PSMD3: variants seen among roughly 807,000 people sequenced by gnomAD.
PSMD3 encodes the protein 26S proteasome non-ATPase regulatory subunit 3.
PSMD3 carries 5 observed loss-of-function variants against 62.8 expected under a neutral mutation model. That is an observed-to-expected ratio of 0.08 (90% CI 0.04 to 0.17). PSMD3 has a LOEUF of 0.17. PSMD3 is among the 10% of genes least tolerant of loss of function. The pLI is 1.00. For missense variants in PSMD3, 524 were observed against 713.6 expected, an observed-to-expected ratio of 0.73 and a Z score of 3.03; for synonymous variants, 265 against 283.9, an observed-to-expected ratio of 0.93 and a Z score of 0.67.
chr17:39,992,323 G>A (rs1018293425), intron 6 of PSMD3, among the ~76,000 whole-genome samples: 1 of 152,150 alleles, frequency 6.6e-6, no homozygotes. Flanking sequence ...GAGAGAGGGC[G>A]GGAGTGAAGG....
In PSMD3 at chr17:39,981,083, A is replaced by G. The variant is rs1232317214; in HGVS notation, c.113A>G (p.Lys38Arg). Residue 38 changes from lysine (K) to arginine (R), a missense_variant, in exon 1 of 12, where the codon AAA becomes AGA. By Grantham distance (26) the Lys-to-Arg change is conservative. Around this residue, in one of 4 missense-constraint regions of PSMD3, gnomAD observed 396 missense variants for 475.8 expected, o/e 0.83. Coordinates refer to ENST00000264639, the MANE Select transcript of PSMD3 (RefSeq NM_002809.4). The stretch of plus-strand genomic sequence containing the variant: ...CCGGCCCCCCAGGATGTGGAGATGA[A>G]AGAGGAGGCAGCGACGGGTGGCGGG... Reference protein sequence around the residue: ...PPPAPQDVEMKEEAATGGGST... With the variant: ...PPPAPQDVEMREEAATGGGST... 3 of 1,550,582 alleles carry G rather than the reference A, an allele frequency of 1.9e-6. No individual in the cohort carries two copies. The highest frequency in any genetic ancestry group is 2.6e-6 in the Non-Finnish European group (3 of 1,146,768).
chr17:39,984,491 G>A lies in PSMD3; in HGVS notation c.411+7G>A. The A allele has an allele frequency of 6.2e-7, 1 of 1,607,432 alleles. No individual in the cohort carries two copies. The highest frequency in any genetic ancestry group is 1.1e-5 in the South Asian group (1 of 90,792). On this transcript the variant is annotated splice_region_variant and intron_variant, in intron 2 of 11. Transcript: ENST00000264639. ...GCTCCCCTTCCTGGAAGAGGTGAGT[G>A]AGTCAGGCCAACTTAAAGGGTGCAG... is the stretch of plus-strand genomic sequence containing the variant.
Position 39,989,849 on chromosome 17 carries a change from A to G in PSMD3, c.797A>G (p.Gln266Arg), listed in dbSNP as rs1568137767. 6.2e-7 allele frequency: 1 copy of G among 1,614,220 alleles called. No homozygotes were observed. The highest frequency in any genetic ancestry group is 8.5e-7 in the Non-Finnish European group (1 of 1,180,040). Reference sequence around the variant, plus strand: ...TACCTACACTACAGCTTGTACGACCAGGCTGAGAAGCTGGTGTCCAAGTCT... The same window carrying G: ...TACCTACACTACAGCTTGTACGACCGGGCTGAGAAGCTGGTGTCCAAGTCT... ...RNYLHYSLYD[Q>R]AEKLVSKSVF... The change falls in exon 5 of 12, where the codon CAG becomes CGG. Residue 266 changes from glutamine to arginine, a missense_variant. Gln to Arg is a conservative substitution (Grantham distance 43). Coordinates refer to ENST00000264639, the MANE Select transcript of PSMD3 (RefSeq NM_002809.4).
rs1446157626 is a variant in PSMD3, at chr17:39,996,336, A to G, written c.1474A>G (p.Lys492Glu). 2 of 1,613,556 alleles carry G rather than the reference A, an allele frequency of 1.2e-6. No homozygotes were observed. Among genetic ancestry groups the G allele is most frequent in the Admixed American group, 3.3e-5 (2 of 59,958 alleles). Residue 492 changes from lysine (K) to glutamate (E), a missense_variant and splice_region_variant, in exon 10 of 12, where the codon AAG (lysine) becomes GAG (glutamate). Lys to Glu is a moderately conservative substitution (Grantham distance 56). Transcript: ENST00000264639. The surrounding 1 kb of genome is among the most constrained non-coding windows in gnomAD (Gnocchi z 5.1). Reference protein sequence around the residue: ...FCLDIHNMSVKAMRFPPKSYN... With the variant: ...FCLDIHNMSVEAMRFPPKSYN... The stretch of plus-strand genomic sequence containing the variant: ...CCTAGATATCCACAACATGTCTGTC[A>G]AGGTGAGAAGCCCGTGGCTGCAGAG...
chr17:39,996,487 A>G lies in PSMD3; in HGVS notation c.1476+149A>G. The G allele has an allele frequency of 8.7e-7, 1 of 1,150,960 alleles. No individual in the cohort carries two copies. Among genetic ancestry groups the G allele is most frequent in the Non-Finnish European group, 1.2e-6 (1 of 807,610 alleles). 71.3% of individuals were successfully genotyped at this position (1,150,960 alleles called of 1,614,324 possible). On this transcript the variant is annotated intron_variant, in intron 10 of 11. Coordinates refer to ENST00000264639, the MANE Select transcript of PSMD3 (RefSeq NM_002809.4). The surrounding 1 kb of genome is among the most constrained non-coding windows in gnomAD (Gnocchi z 5.1). ...CACTGAGCTGCAGCACAGGGGGCCC[A>G]GAATGGGGAGGGGACTTGGCCATAG...
Position 39,995,834 on chromosome 17 carries a change from C to T in PSMD3, c.1320+307C>T. 2.0e-6 allele frequency: 1 copy of T among 488,034 alleles called. No homozygotes were observed. Among genetic ancestry groups the T allele is most frequent in the Non-Finnish European group, 3.7e-6 (1 of 267,870 alleles). The allele number at this position is 488,034 out of a possible 1,614,324, so 30.2% of individuals were successfully genotyped here. On this transcript the variant is annotated intron_variant, in intron 9 of 11. Coordinates refer to ENST00000264639, the MANE Select transcript of PSMD3 (RefSeq NM_002809.4). The surrounding 1 kb of genome is among the most constrained non-coding windows in gnomAD (Gnocchi z 4.1). ...TTCTCTGACTTAGAAGATGGGCGTG[C>T]TGGGCCAGGCGCAGTGGCTCATGCC...
chr17:39,988,958 G>A lies in PSMD3; in HGVS notation c.686+139G>A, dbSNP rs546855024. On this transcript the variant is annotated intron_variant, in intron 4 of 11. Transcript: ENST00000264639. ...AGAGGGGCAGTGGTTCCCATGCCCTGCGCCACGTGAGGGGTGTGGGAGAGA... is the reference window on the plus strand; with the variant it reads ...AGAGGGGCAGTGGTTCCCATGCCCTACGCCACGTGAGGGGTGTGGGAGAGA... 6.0e-4 allele frequency: 702 copies of A among 1,170,970 alleles called. 2 individuals are homozygous for A. Among genetic ancestry groups the A allele is most frequent in the Admixed American group, 1.1e-3 (58 of 50,914 alleles). 72.5% of individuals were successfully genotyped at this position (1,170,970 alleles called of 1,614,324 possible). A position where few individuals can be genotyped will look rare whatever the true frequency, so the allele number is the denominator to read the frequency against.
rs533199752 is a variant in PSMD3 at position 39,996,427 on chromosome 17, T to C, written c.1476+89T>C. The C allele has an allele frequency of 8.0e-6, 12 of 1,502,404 alleles. No individual in the cohort carries two copies. The South Asian group carries it at 1.2e-4, about 15-fold the overall frequency. The allele number at this position is 1,502,404 out of a possible 1,614,324, so 93.1% of individuals were successfully genotyped here. A position where few individuals can be genotyped will look rare whatever the true frequency, so the allele number is the denominator to read the frequency against. ...GATTCCTCAGAGAAGACTGGCTTAATTTGTGGCCCACGTCCCAGCCAATCT... is the reference window on the plus strand; with the variant it reads ...GATTCCTCAGAGAAGACTGGCTTAACTTGTGGCCCACGTCCCAGCCAATCT... On this transcript the variant is annotated intron_variant, in intron 10 of 11. Coordinates refer to ENST00000264639, the MANE Select transcript of PSMD3 (RefSeq NM_002809.4). The surrounding 1 kb of genome is among the most constrained non-coding windows in gnomAD (Gnocchi z 5.1).
Position 39,989,821 on chromosome 17 carries a change from A to C in PSMD3, c.769A>C (p.Asn257His). 1 of 1,614,174 alleles carries C rather than the reference A, an allele frequency of 6.2e-7. No individual in the cohort carries two copies. The highest frequency in any genetic ancestry group is 1.1e-5 in the South Asian group (1 of 91,084). Residue 257 changes from asparagine (N) to histidine (H), a missense_variant, in exon 5 of 12, where the codon AAT becomes CAT. Transcript: ENST00000264639. Reference protein sequence around the residue: ...QATLLNLLLRNYLHYSLYDQA... With the variant: ...QATLLNLLLRHYLHYSLYDQA... Reference sequence around the variant, plus strand: ...CACCCTGTTGAACCTCCTGCTGCGGAATTACCTACACTACAGCTTGTACGA... The same window carrying C: ...CACCCTGTTGAACCTCCTGCTGCGGCATTACCTACACTACAGCTTGTACGA...
chr17:39,992,120 C>T (rs1411528879), intron 6 of PSMD3, among the ~76,000 whole-genome samples: 2 of 151,904 alleles, frequency 1.3e-5, no homozygotes. Flanking sequence ...GGTGCGTGAG[C>T]AAAATGTTAG....
At chr17:39,984,001 C>T (rs1044990030) in intron 1 of PSMD3, among the ~76,000 whole-genome samples, 2 of 151,998 alleles carry the variant, frequency 1.3e-5, no homozygotes, top group Non-Finnish European at 2.9e-5. Context: ...AGATCGAGAC[C>T]ATCCTGGCTA....
chr17:39,983,119 G>T (rs1980426749), intron 1 of PSMD3, among the ~76,000 whole-genome samples: 1 of 151,012 alleles, frequency 6.6e-6, no homozygotes, highest in Non-Finnish European at 1.5e-5. Context: ...TGCAACCTCT[G>T]CCTCCCAAGT....
chr17:39,997,602 T>A lies in PSMD3; in HGVS notation c.*21T>A. ...CTTGAGCTGGGGGGCTGGGGAGGGG[T>A]AGGGGGAATGGGGACAGGCTCTTTC... On this transcript the variant is annotated 3_prime_UTR_variant, in exon 12 of 12. Transcript: ENST00000264639. The A allele has an allele frequency of 1.3e-6, 2 of 1,594,368 alleles. No individual in the cohort carries two copies. The highest frequency in any genetic ancestry group is 1.4e-5 in the African/African-American group (1 of 73,814).
chr17:39,980,933 G>C lies in PSMD3; in HGVS notation c.-38G>C, dbSNP rs762880605. On this transcript the variant is annotated 5_prime_UTR_variant, in exon 1 of 12. Transcript: ENST00000264639. ...GGTGCGAGGGTTAACGCGAGGCCCC[G>C]GCCTCGGTCCCCGGACTAGGCCGTG... The C allele has an allele frequency of 1.4e-6, 2 of 1,463,556 alleles. No individual in the cohort carries two copies. The highest frequency in any genetic ancestry group is 9.0e-7 in the Non-Finnish European group (1 of 1,111,090). 90.7% of individuals were successfully genotyped at this position (1,463,556 alleles called of 1,614,324 possible).
intron 6 of PSMD3, chr17:39,993,077 T>G (rs1244230847): frequency 6.6e-6 from 1 of 152,154 alleles, no homozygotes; most frequent in Non-Finnish European, 1.5e-5. Flanking sequence ...TCATCACAAT[T>G]CTGGAGGCTC....
In PSMD3 at chr17:39,997,575, C is replaced by T; in HGVS notation, c.1599C>T (p.Phe533=). ...KEMAEDDDDS[F]P is the part of the protein sequence containing the mutation. The stretch of plus-strand genomic sequence containing the variant: ...TGGCAGAAGATGATGATGACAGCTT[C>T]CCTTGAGCTGGGGGGCTGGGGAGGG... Residue 533 remains phenylalanine (F), a synonymous_variant, in exon 12 of 12, where the codon TTC becomes TTT. Coordinates refer to ENST00000264639, the MANE Select transcript of PSMD3 (RefSeq NM_002809.4). 1 of 1,614,144 alleles carries T rather than the reference C, an allele frequency of 6.2e-7. No homozygotes were observed. Among genetic ancestry groups the T allele is most frequent in the Non-Finnish European group, 8.5e-7 (1 of 1,179,996 alleles).
chr17:39,991,262 C>T (rs942960574), intron 6 of PSMD3, among the ~76,000 whole-genome samples: 1 of 152,154 alleles, frequency 6.6e-6, no homozygotes, highest in African/African-American at 2.4e-5. Context: ...TCAAGGGATT[C>T]TCCTGCCTCA....
At chr17:39,981,244 G>A in intron 1 of PSMD3, 54 bp downstream of exon 1, 7 of 1,545,674 alleles carry the variant, frequency 4.5e-6, no homozygotes, top group Non-Finnish European at 6.1e-6. Flanking sequence ...AGCGACCCCT[G>A]TGATTTGGCT....
intron 3 of PSMD3, among the ~76,000 whole-genome samples, chr17:39,988,304 G>C (rs552125055): frequency 6.6e-6 from 1 of 152,230 alleles, no homozygotes; most frequent in South Asian, 2.1e-4. Flanking sequence ...ACTTACTCTG[G>C]ACATTTCATG....
Sources: allele counts gnomAD v4.1 joint callset (sites outside exome capture counted in the v4.1 genomes callset), GRCh38; gene constraint gnomAD v4.1.1; regional missense constraint gnomAD v4.1.1; non-coding constraint Gnocchi (gnomAD v3.1); transcripts MANE v1.5; gene names NCBI Gene and HGNC (gene_info 2026-07-23, HGNC 2026-07-21).